The following RMP24 variants were observed in gnomAD, a reference collection of about 807,000 sequenced individuals.
RMP24 encodes ribonuclease MRP subunit p24, also known as ribonuclease MRP protein subunit p24.
the RMP24 span, chr18:35,977,437 A>G: frequency 1.2e-6 from 2 of 1,613,688 alleles, no homozygotes; most frequent in Non-Finnish European, 1.7e-6. Flanking sequence ...ATGCAACAGA[A>G]CAGTGAAACA....
At chr18:35,973,018 C>T in the RMP24 span, 3 of 1,422,112 alleles carry the variant, frequency 2.1e-6, no homozygotes, top group East Asian at 7.0e-5. Flanking sequence ...ATAAAAACAA[C>T]AACAACAAAG....
At chr18:35,978,764 C>T in the RMP24 span, 4 of 1,379,484 alleles carry the variant, frequency 2.9e-6, no homozygotes, top group African/African-American at 4.4e-5. Context: ...ATGTATATGG[C>T]CATAATACAA....
chr18:35,972,861 CA>C, the RMP24 span: 1 of 1,614,212 alleles, frequency 6.2e-7, no homozygotes, highest in Non-Finnish European at 8.5e-7. Flanking sequence ...CTTTGCTCCT[CA>C]CAAGTCTCTT....
chr18:35,977,690 T>C, the RMP24 span: 1 of 1,361,046 alleles, frequency 7.3e-7, no homozygotes, highest in Non-Finnish European at 9.9e-7. Flanking sequence ...AAATATGCCA[T>C]GCATTTCAGG....
the RMP24 span, among the ~76,000 whole-genome samples, chr18:35,974,130 G>A: frequency 6.6e-6 from 1 of 152,068 alleles, no homozygotes; most frequent in Non-Finnish European, 1.5e-5. Flanking sequence ...TCACATATCT[G>A]CTTTCATGTG....
chr18:35,977,275 A>C, the RMP24 span: 1 of 735,198 alleles, frequency 1.4e-6, no homozygotes. Context: ...AAGTTCCCCA[A>C]GGACAGCCTC....
the RMP24 span, among the ~76,000 whole-genome samples, chr18:35,976,032 A>G: frequency 6.6e-6 from 1 of 152,150 alleles, no homozygotes; most frequent in East Asian, 1.9e-4. Context: ...GAAGACAGCA[A>G]ATGCTGCCTC....
the RMP24 span, chr18:35,977,674 C>T: frequency 6.9e-7 from 1 of 1,456,120 alleles, no homozygotes; most frequent in Non-Finnish European, 9.3e-7. Context: ...TTAATATATA[C>T]TCCCTAAATA....
the RMP24 span, chr18:35,977,279 C>A: frequency 1.3e-6 from 1 of 742,118 alleles, no homozygotes; most frequent in Non-Finnish European, 2.0e-6. Context: ...TCCCCAAGGA[C>A]AGCCTCTATT....
the RMP24 span, chr18:35,977,510 A>G: frequency 1.9e-6 from 3 of 1,614,206 alleles, no homozygotes; most frequent in Non-Finnish European, 2.5e-6. Flanking sequence ...CCTACAAGTA[A>G]ACTCAGCCTG....
the RMP24 span, chr18:35,973,330 C>T: frequency 3.7e-6 from 1 of 267,392 alleles, no homozygotes; most frequent in Non-Finnish European, 7.4e-6. Flanking sequence ...ATACCATATA[C>T]TGAGGACTTA....
At chr18:35,972,786 G>A in the RMP24 span, 2 of 1,613,976 alleles carry the variant, frequency 1.2e-6, no homozygotes, top group East Asian at 2.2e-5. Flanking sequence ...CAGCTGCCCG[G>A]GCCAAGCCCG....
the RMP24 span, chr18:35,975,159 G>A: frequency 1.0e-4 from 145 of 1,384,120 alleles, 1 homozygote; most frequent in East Asian, 3.4e-3. Context: ...CTTAAAATCA[G>A]TTTAAGAATC....
chr18:35,972,962 T>C, the RMP24 span: 37 of 1,608,004 alleles, frequency 2.3e-5, no homozygotes, highest in African/African-American at 3.7e-4. Flanking sequence ...CGCTTTCCTC[T>C]GTTCCGCACA....
At chr18:35,973,393 C>T in the RMP24 span, 4 of 161,862 alleles carry the variant, frequency 2.5e-5, no homozygotes, top group African/African-American at 9.6e-5. Flanking sequence ...ACTCATATAT[C>T]CGAATGTCTT....
chr18:35,978,629 A>G, the RMP24 span, among the ~76,000 whole-genome samples: 4 of 152,104 alleles, frequency 2.6e-5, no homozygotes, highest in Non-Finnish European at 5.9e-5. Flanking sequence ...AAAATACTGA[A>G]CCATTCATAA....
At chr18:35,974,142 A>C in the RMP24 span, among the ~76,000 whole-genome samples, 1 of 152,118 alleles carries the variant, frequency 6.6e-6, no homozygotes, top group East Asian at 1.9e-4. Context: ...TTTCATGTGA[A>C]TCCTCCATTT....
the RMP24 span, among the ~76,000 whole-genome samples, chr18:35,978,427 A>C: frequency 2.0e-5 from 3 of 152,320 alleles, no homozygotes; most frequent in African/African-American, 7.2e-5. Context: ...CCTGTGCAAC[A>C]CGGTGAAATC....
At chr18:35,973,061 A>G in the RMP24 span, 2 of 959,594 alleles carry the variant, frequency 2.1e-6, no homozygotes, top group East Asian at 2.6e-5. Flanking sequence ...GAAAAATCCA[A>G]ATTCTTTAAT....
Sources: gnomAD v4.1 joint callset for allele counts (sites outside exome capture counted in the v4.1 genomes callset) on GRCh38, gnomAD v4.1.1 for gene constraint, MANE v1.5 for transcripts, NCBI Gene and HGNC (gene_info 2026-07-23, HGNC 2026-07-21) for gene names.